The following KCNIP4 variants were observed in gnomAD, a reference collection of about 807,000 sequenced individuals.
The protein encoded by KCNIP4 is potassium voltage-gated channel interacting protein 4.
A neutral mutation model predicts 34.0 loss-of-function variants in KCNIP4; 12 were observed. The ratio of observed to expected loss-of-function variants is 0.35; its 90% CI spans 0.23 to 0.57. The LOEUF (loss-of-function observed/expected upper bound fraction) is 0.57, where lower values mean the gene tolerates loss of function less well. KCNIP4 is among the 20% of genes least tolerant of loss of function. The pLI, the probability that KCNIP4 is intolerant of heterozygous loss-of-function variation, is 0.83. For synonymous variants in KCNIP4, 124 were observed against 102.2 expected (o/e 1.21, Z -1.29); for missense variants, 238 against 311.7 (o/e 0.76, Z 1.78).
At chr4:20,984,075 G>GC in intron 1 of KCNIP4, 9 of 1,291,328 alleles carry the variant, frequency 7.0e-6, no homozygotes, top group Non-Finnish European at 8.3e-6. Context: ...AAAGCCGGCG[G>GC]CCCCCCGGGG....
chr4:20,974,244 A>G (rs1735261325), intron 1 of KCNIP4, among the ~76,000 whole-genome samples: 2 of 152,224 alleles, frequency 1.3e-5, no homozygotes, highest in South Asian at 4.1e-4. Context: ...TTCAAACTGT[A>G]CTAAGGTACA....
intron 1 of KCNIP4, among the ~76,000 whole-genome samples, chr4:21,190,419 A>T (rs140235771): frequency 6.8e-6 from 1 of 147,712 alleles, no homozygotes; most frequent in East Asian, 2.1e-4. Context: ...GGAGGAGAGC[A>T]CCGCCCAACA....
At position 21,150,259 on chromosome 4, in the gene KCNIP4, AT is replaced by A. The variant is rs575023494; in HGVS notation, c.62-267551del. ...TAGAACTCCAGAAAGTTTGAGACTG[AT>A]TTAAGGATAATGGGAGTGTTAATGA... is the stretch of plus-strand genomic sequence containing the variant. On this transcript the variant is annotated intron_variant, in intron 1 of 8. Transcript: ENST00000382152. Among the ~76,000 whole-genome samples the A allele has an allele frequency of 1.0e-3, 155 of 152,304 alleles. 2 individuals carry two copies. The highest frequency in any genetic ancestry group is 1.6e-3 in the Non-Finnish European group (108 of 68,030).
chr4:20,917,607 T>A (rs185885823), intron 1 of KCNIP4, among the ~76,000 whole-genome samples: 159 of 152,008 alleles, frequency 1.0e-3, no homozygotes, highest in South Asian at 3.3e-3. Flanking sequence ...TGAGAAAAAA[T>A]TTTTTTTAAA....
intron 1 of KCNIP4, among the ~76,000 whole-genome samples, chr4:21,194,805 G>A (rs569633179): frequency 1.3e-5 from 2 of 152,256 alleles, no homozygotes; most frequent in African/African-American, 2.4e-5. Flanking sequence ...ATGACACAGC[G>A]AACCCTGCTG....
At chr4:21,270,685 T>G (rs751329781) in intron 1 of KCNIP4, among the ~76,000 whole-genome samples, 2 of 152,052 alleles carry the variant, frequency 1.3e-5, no homozygotes, top group African/African-American at 2.4e-5. Context: ...AGAAGACACA[T>G]TAATTTAAGA....
chr4:21,909,365 A>T (rs1035590494), intron 1 of KCNIP4, among the ~76,000 whole-genome samples: 1 of 151,954 alleles, frequency 6.6e-6, no homozygotes, highest in Admixed American at 6.6e-5. Flanking sequence ...CTTCTCCCAC[A>T]TCTTTACTTA....
chr4:21,787,870 T>C lies in KCNIP4; in HGVS notation c.61+160701A>G, dbSNP rs981219569. 3.9e-5 allele frequency among the ~76,000 whole-genome samples: 6 copies of C among 152,298 alleles called. No individual in the cohort carries two copies. The South Asian group carries it at 1.2e-3, about 32-fold the overall frequency. On this transcript the variant is annotated intron_variant, in intron 1 of 8. Coordinates refer to ENST00000382152, the MANE Select transcript of KCNIP4 (RefSeq NM_025221.6). ...ACACTGGCATATAATTGTATATCGG[T>C]TCTTCCAGAGCTGACATTCTAGTGG... is the stretch of plus-strand genomic sequence containing the variant.
chr4:21,145,834 A>G lies in KCNIP4; in HGVS notation c.62-263125T>C, dbSNP rs78614545. On this transcript the variant is annotated intron_variant, in intron 1 of 8. Coordinates refer to ENST00000382152, the MANE Select transcript of KCNIP4 (RefSeq NM_025221.6). The stretch of plus-strand genomic sequence containing the variant: ...CAGGACCAGAAAAGAAGTATTTCCA[A>G]TACCCACGCCTGACTAAAGATTTCA... Among the ~76,000 whole-genome samples, 1,030 of 152,304 alleles carry G rather than the reference A, an allele frequency of 6.8e-3. 9 individuals carry two copies. The highest frequency in any genetic ancestry group is 0.022 in the African/African-American group (929 of 41,562).
intron 1 of KCNIP4, among the ~76,000 whole-genome samples, chr4:21,068,571 T>C (rs1744616707): frequency 6.6e-6 from 1 of 152,152 alleles, no homozygotes; most frequent in African/African-American, 2.4e-5. Flanking sequence ...GCACTGATTG[T>C]CTTTGTGTGG....
At chr4:21,903,832 A>G (rs1727843322) in intron 1 of KCNIP4, among the ~76,000 whole-genome samples, 1 of 152,156 alleles carries the variant, frequency 6.6e-6, no homozygotes, top group South Asian at 2.1e-4. Flanking sequence ...ACACCCCAAT[A>G]GTTTTATTCA....
Position 21,621,078 on chromosome 4 carries a change from T to C in KCNIP4, c.61+327493A>G, listed in dbSNP as rs572686209. On this transcript the variant is annotated intron_variant, in intron 1 of 8. Coordinates refer to ENST00000382152, the MANE Select transcript of KCNIP4 (RefSeq NM_025221.6). Reference sequence around the variant, plus strand: ...AGCATTAAACCAGAACACAGACAAATGCCTACAATGGATGTGAAGTGAGCC... The same window carrying C: ...AGCATTAAACCAGAACACAGACAAACGCCTACAATGGATGTGAAGTGAGCC... 7.9e-5 allele frequency among the ~76,000 whole-genome samples: 12 copies of C among 152,310 alleles called. No homozygotes were observed. In the East Asian group the frequency reaches 2.1e-3, roughly 27 times the overall value.
At chr4:21,248,060 ATGTG>A (rs111240655) in intron 1 of KCNIP4, among the ~76,000 whole-genome samples, 2 of 145,284 alleles carry the variant, frequency 1.4e-5, no homozygotes, top group Non-Finnish European at 1.5e-5. Context: ...ATATATATAT[ATGTG>A]TGTGTGTGTG....
At chr4:21,611,420 C>T (rs1174684477) in intron 1 of KCNIP4, among the ~76,000 whole-genome samples, 3 of 152,124 alleles carry the variant, frequency 2.0e-5, no homozygotes, top group Non-Finnish European at 4.4e-5. Flanking sequence ...GGGAAGCCAC[C>T]TCCATGATCC....
intron 3 of KCNIP4, among the ~76,000 whole-genome samples, chr4:20,780,594 G>T (rs1756789873): frequency 6.6e-6 from 1 of 152,212 alleles, no homozygotes; most frequent in Non-Finnish European, 1.5e-5. Flanking sequence ...TGCTGGTGAG[G>T]CTTTTAATCC....
chr4:21,127,558 A>G (rs1750727322), intron 1 of KCNIP4, among the ~76,000 whole-genome samples: 1 of 152,184 alleles, frequency 6.6e-6, no homozygotes, highest in Non-Finnish European at 1.5e-5. Context: ...CAGACGCCTA[A>G]TAGAATACAA....
At chr4:21,378,794 T>C (rs1560345882) in intron 1 of KCNIP4, among the ~76,000 whole-genome samples, 2 of 152,162 alleles carry the variant, frequency 1.3e-5, no homozygotes, top group Admixed American at 6.6e-5. Context: ...TATATACTTT[T>C]CTATTTTTGT....
At chr4:21,252,977 G>T (rs1450125687) in intron 1 of KCNIP4, among the ~76,000 whole-genome samples, 1 of 152,044 alleles carries the variant, frequency 6.6e-6, no homozygotes, top group Non-Finnish European at 1.5e-5. Context: ...CCATAAAGGG[G>T]TTGAAAGGGA....
chr4:20,787,606 G>T (rs1213660681), intron 3 of KCNIP4, among the ~76,000 whole-genome samples: 1 of 151,946 alleles, frequency 6.6e-6, no homozygotes, highest in Non-Finnish European at 1.5e-5. Flanking sequence ...TTTAGTATAA[G>T]ACTTATGTAA....
Sources: gnomAD v4.1 joint callset for allele counts (sites outside exome capture counted in the v4.1 genomes callset) on GRCh38, gnomAD v4.1.1 for gene constraint, MANE v1.5 for transcripts, NCBI Gene and HGNC (gene_info 2026-07-23, HGNC 2026-07-21) for gene names.